CPNE4: variants seen among roughly 807,000 people sequenced by gnomAD.
CPNE4 encodes copine-4.
A neutral mutation model predicts 67.9 loss-of-function variants in CPNE4; 25 were observed. The observed-to-expected ratio is 0.37, with a 90% CI of 0.27 to 0.51. The LOEUF is 0.51. CPNE4 is among the 20% of genes least tolerant of loss of function. The probability of loss-of-function intolerance (pLI) is 0.93; values close to 1 mark genes in which losing one functional copy is unlikely to be tolerated. For missense variants in CPNE4, 464 were observed against 690.8 expected (o/e 0.67, Z 3.68); for synonymous variants, 242 against 244.9 (o/e 0.99, Z 0.11).
chr3:131,856,611 G>A lies in CPNE4; in HGVS notation c.180+48653C>T, dbSNP rs1225160964. ...AAGAGAATAGAACACACATGTGGAT[G>A]GGAAACATGGTAAATAGGTAAAACC... On this transcript the variant is annotated intron_variant, in intron 2 of 15. Coordinates refer to ENST00000429747, the MANE Select transcript of CPNE4 (RefSeq NM_130808.3). Among the ~76,000 whole-genome samples the A allele has an allele frequency of 3.3e-5, 5 of 151,952 alleles. No individual in the cohort carries two copies. The East Asian group carries it at 9.6e-4, about 29-fold the overall frequency.
At chr3:132,003,914 C>T (rs2073521812) in intron 1 of CPNE4, among the ~76,000 whole-genome samples, 1 of 152,042 alleles carries the variant, frequency 6.6e-6, no homozygotes, top group Admixed American at 6.6e-5. Flanking sequence ...TGCAAGATGG[C>T]ATTCATCAGA....
chr3:131,702,152 T>TA (rs1269305208), intron 3 of CPNE4, among the ~76,000 whole-genome samples: 1 of 152,098 alleles, frequency 6.6e-6, no homozygotes. Context: ...AATATTTCTG[T>TA]AAAAAAATCA....
chr3:131,852,909 A>G (rs2086291880), intron 2 of CPNE4, among the ~76,000 whole-genome samples: 1 of 151,680 alleles, frequency 6.6e-6, no homozygotes, highest in Non-Finnish European at 1.5e-5. Flanking sequence ...TTAGCAAAGC[A>G]TGTACAAACT....
intron 5 of CPNE4, among the ~76,000 whole-genome samples, chr3:131,695,465 AG>A (rs1198275324): frequency 6.6e-6 from 1 of 152,216 alleles, no homozygotes; most frequent in African/African-American, 2.4e-5. Flanking sequence ...ATGACAAACT[AG>A]AGGTACTTAA....
intron 2 of CPNE4, among the ~76,000 whole-genome samples, chr3:131,792,693 A>ATG (rs770232620): frequency 0.071 from 4,260 of 60,168 alleles, 790 homozygotes; most frequent in African/African-American, 0.092. Context: ...ACGTGTATAT[A>ATG]TACATATACA....
chr3:131,985,893 T>C (rs1013371950), intron 1 of CPNE4: 1 of 154,036 alleles, frequency 6.5e-6, no homozygotes, highest in African/African-American at 2.4e-5. Flanking sequence ...TGTTTGCCCA[T>C]GGACTTAGCA....
chr3:131,976,768 T>G (rs868137585), intron 1 of CPNE4, among the ~76,000 whole-genome samples: 19 of 152,214 alleles, frequency 1.2e-4, no homozygotes, highest in African/African-American at 4.3e-4. Flanking sequence ...TAAAAAAAAT[T>G]AATAAGTGAT....
chr3:131,766,507 A>G lies in CPNE4; in HGVS notation c.181-42882T>C, dbSNP rs115186248. Among the ~76,000 whole-genome samples the G allele has an allele frequency of 3.3e-3, 504 of 152,166 alleles. 4 individuals carry two copies. The highest frequency in any genetic ancestry group is 0.012 in the African/African-American group (479 of 41,528). On this transcript the variant is annotated intron_variant, in intron 2 of 15. Coordinates refer to ENST00000429747, the MANE Select transcript of CPNE4 (RefSeq NM_130808.3). ...GGTGTAAATACCTGTATCATAGCCA[A>G]TTTCCGGCTACCAATTTGAAGTCAC... is the stretch of plus-strand genomic sequence containing the variant.
intron 1 of CPNE4, among the ~76,000 whole-genome samples, chr3:131,922,694 T>C (rs548235998): frequency 6.6e-6 from 1 of 152,354 alleles, no homozygotes; most frequent in South Asian, 2.1e-4. Flanking sequence ...AGTTGTGACA[T>C]AACTTCTCTG....
chr3:132,025,681 G>A (rs1409951096), intron 1 of CPNE4, among the ~76,000 whole-genome samples: 1 of 152,162 alleles, frequency 6.6e-6, no homozygotes, highest in East Asian at 1.9e-4. Flanking sequence ...GTTGCAATTT[G>A]AGTAATTTCC....
At chr3:132,000,230 A>G (rs541373619) in intron 1 of CPNE4, among the ~76,000 whole-genome samples, 98 of 151,868 alleles carry the variant, frequency 6.5e-4, no homozygotes, top group African/African-American at 2.1e-3. Flanking sequence ...ATAATGCTGA[A>G]TGGGCCCAGA....
chr3:131,899,558 G>T (rs973617794), intron 2 of CPNE4, among the ~76,000 whole-genome samples: 2 of 152,058 alleles, frequency 1.3e-5, no homozygotes, highest in African/African-American at 4.8e-5. Flanking sequence ...CCAGATTCCA[G>T]CTTTACTGTT....
At chr3:131,734,355 G>A (rs764283907) in intron 2 of CPNE4, among the ~76,000 whole-genome samples, 16 of 152,266 alleles carry the variant, frequency 1.1e-4, no homozygotes, top group Middle Eastern at 3.4e-3. Flanking sequence ...GAACATTAAG[G>A]ATAGGAATGG....
chr3:131,851,722 A>G (rs2086248694), intron 2 of CPNE4, among the ~76,000 whole-genome samples: 1 of 152,110 alleles, frequency 6.6e-6, no homozygotes, highest in Non-Finnish European at 1.5e-5. Context: ...GGAAATAGCT[A>G]TCTTGGCTTG....
chr3:131,807,194 A>G (rs980156415), intron 2 of CPNE4, among the ~76,000 whole-genome samples: 2 of 152,154 alleles, frequency 1.3e-5, no homozygotes, highest in African/African-American at 2.4e-5. Context: ...GTGTCAGTGT[A>G]GGTATCAGGG....
intron 7 of CPNE4, among the ~76,000 whole-genome samples, chr3:131,607,413 A>G (rs1379273037): frequency 6.6e-6 from 1 of 152,182 alleles, no homozygotes; most frequent in Non-Finnish European, 1.5e-5. Context: ...TTTACCTGGA[A>G]GTGTAAACCC....
At chr3:131,842,704 G>T (rs2085834763) in intron 2 of CPNE4, among the ~76,000 whole-genome samples, 1 of 147,530 alleles carries the variant, frequency 6.8e-6, no homozygotes, top group Non-Finnish European at 1.5e-5. Context: ...AGAAATGAGG[G>T]CTCAGAAGCA....
chr3:131,848,954 T>TAAA (rs2086114488), intron 2 of CPNE4, among the ~76,000 whole-genome samples: 1 of 12,408 alleles, frequency 8.1e-5, no homozygotes, highest in Non-Finnish European at 1.7e-4. Flanking sequence ...CAGTAGTGAT[T>TAAA]ACAAAAAAAA....
At chr3:131,744,697 CT>C (rs1447895145) in intron 2 of CPNE4, among the ~76,000 whole-genome samples, 2 of 152,188 alleles carry the variant, frequency 1.3e-5, no homozygotes, top group African/African-American at 4.8e-5. Flanking sequence ...TATGTAAGCT[CT>C]TCAGATTAGC....
Sources: allele counts gnomAD v4.1 joint callset (sites outside exome capture counted in the v4.1 genomes callset), GRCh38; gene constraint gnomAD v4.1.1; transcripts MANE v1.5; gene names NCBI Gene and HGNC (gene_info 2026-07-23, HGNC 2026-07-21).